The following SMYD3 variants were observed in gnomAD, a reference collection of about 807,000 sequenced individuals.
SMYD3 encodes the protein histone-lysine N-methyltransferase SMYD3.
In SMYD3, 36 loss-of-function variants were observed where a neutral mutation model predicts 57.7. The observed-to-expected ratio is 0.62, with a 90% CI of 0.48 to 0.82. The LOEUF is 0.82. Ranked by LOEUF, SMYD3 falls within the 40% of genes least tolerant of loss-of-function variation. SMYD3 has a pLI of 0.00. For synonymous variants in SMYD3, 211 were observed against 195.0 expected (o/e 1.08, Z -0.68); for missense variants, 515 against 538.8 (o/e 0.96, Z 0.44).
chr1:246,233,261 CTG>C (rs1488803615), intron 5 of SMYD3, among the ~76,000 whole-genome samples: 4 of 116,226 alleles, frequency 3.4e-5, no homozygotes, highest in Non-Finnish European at 6.9e-5. Flanking sequence ...TCAATCCACA[CTG>C]TGATGAATAT....
chr1:245,802,602 C>T (rs1026841322), intron 10 of SMYD3, among the ~76,000 whole-genome samples: 1 of 152,168 alleles, frequency 6.6e-6, no homozygotes, highest in African/African-American at 2.4e-5. Context: ...TGGCTTCAGG[C>T]TATAGCCTAG....
intron 10 of SMYD3, among the ~76,000 whole-genome samples, chr1:245,787,616 C>T (rs1028659873): frequency 1.4e-5 from 2 of 144,196 alleles, no homozygotes; most frequent in African/African-American, 5.2e-5. Context: ...AGTCTGATCC[C>T]ATCAGGGTGT....
intron 5 of SMYD3, among the ~76,000 whole-genome samples, chr1:246,211,870 A>G (rs563727210): frequency 6.6e-6 from 1 of 152,020 alleles, no homozygotes; most frequent in South Asian, 2.1e-4. Flanking sequence ...TTCTATGGGT[A>G]GCATAAAGAT....
At chr1:246,078,352 GGAGA>G (rs2060581230) in intron 5 of SMYD3, among the ~76,000 whole-genome samples, 1 of 152,104 alleles carries the variant, frequency 6.6e-6, no homozygotes, top group African/African-American at 2.4e-5. Context: ...TGAGAAAGTA[GGAGA>G]GAGATAATAG....
In SMYD3 at chr1:246,326,539, C is replaced by T. The variant is rs530615094; in HGVS notation, c.531+662G>A. On this transcript the variant is annotated intron_variant, in intron 5 of 11. Transcript: ENST00000490107. ...CTGTAATCCCAGCACTTTGGGAGGC[C>T]GAGGCGGGTGGATCACCTGAGGTCA... 36 of 491,146 alleles carry T rather than the reference C, an allele frequency of 7.3e-5. 1 individual carries two copies. The Admixed American group carries it at 1.1e-3, about 15-fold the overall frequency. The allele number at this position is 491,146 out of a possible 1,614,324, so 30.4% of individuals were successfully genotyped here.
At chr1:246,488,240 C>T (rs1364953353) in intron 1 of SMYD3, among the ~76,000 whole-genome samples, 5 of 152,214 alleles carry the variant, frequency 3.3e-5, no homozygotes, top group African/African-American at 1.2e-4. Context: ...CATCTGCCAG[C>T]TTGACTTGTA....
rs1463537917 is a variant in SMYD3 at position 246,247,403 on chromosome 1, GATTTTGC to G, written c.531+79791_531+79797del. ...ACACATTCAACAGACTACCAGGACAGATTTTGCCTCTAGCACTGTGGTTTAAGAAAGA... is the reference window on the plus strand; with the variant it reads ...ACACATTCAACAGACTACCAGGACAGCTCTAGCACTGTGGTTTAAGAAAGA... On this transcript the variant is annotated intron_variant, in intron 5 of 11. Coordinates refer to ENST00000490107, the MANE Select transcript of SMYD3 (RefSeq NM_001167740.2). Among the ~76,000 whole-genome samples the G allele has an allele frequency of 2.8e-5, 4 of 141,424 alleles. No individual in the cohort carries two copies. In the East Asian group the frequency reaches 1.2e-3, roughly 42 times the overall value. 92.8% of individuals were successfully genotyped at this position (141,424 alleles called of 152,430 possible). A position where few individuals can be genotyped will look rare whatever the true frequency, so the allele number is the denominator to read the frequency against.
intron 8 of SMYD3, among the ~76,000 whole-genome samples, chr1:245,904,400 T>G (rs1379571176): frequency 6.6e-6 from 1 of 152,166 alleles, no homozygotes; most frequent in African/African-American, 2.4e-5. Flanking sequence ...CAGTCTCAGG[T>G]AATATCTTCA....
intron 10 of SMYD3, among the ~76,000 whole-genome samples, chr1:245,817,518 T>C (rs2048921338): frequency 1.3e-5 from 2 of 152,144 alleles, no homozygotes; most frequent in South Asian, 4.1e-4. Context: ...ACGCAGTTCC[T>C]CACCAGCAAC....
At chr1:246,256,384 C>G (rs1363592081) in intron 5 of SMYD3, among the ~76,000 whole-genome samples, 1 of 152,146 alleles carries the variant, frequency 6.6e-6, no homozygotes, top group Non-Finnish European at 1.5e-5. Context: ...TCCTTCAATC[C>G]AATCAAGTTC....
intron 5 of SMYD3, among the ~76,000 whole-genome samples, chr1:246,016,065 C>T (rs2148209848): frequency 6.6e-6 from 1 of 152,112 alleles, no homozygotes; most frequent in Non-Finnish European, 1.5e-5. Context: ...TAGGCTGATC[C>T]CGTCAGTGGC....
At chr1:245,887,084 G>A (rs1172570359) in intron 8 of SMYD3, among the ~76,000 whole-genome samples, 3 of 152,162 alleles carry the variant, frequency 2.0e-5, no homozygotes, top group African/African-American at 7.2e-5. Context: ...CCTACTGGGT[G>A]GCATTCCCAG....
At chr1:245,934,359 C>T (rs905271896) in intron 5 of SMYD3, among the ~76,000 whole-genome samples, 13 of 151,022 alleles carry the variant, frequency 8.6e-5, no homozygotes, top group African/African-American at 3.0e-4. Context: ...ATTTCTCTAA[C>T]TTTAAAAGCA....
intron 5 of SMYD3, among the ~76,000 whole-genome samples, chr1:246,324,213 G>C (rs1000846910): frequency 2.0e-5 from 3 of 152,180 alleles, no homozygotes; most frequent in African/African-American, 7.2e-5. Context: ...TCAGGAGATT[G>C]AGACCAGCCT....
intron 7 of SMYD3, among the ~76,000 whole-genome samples, chr1:245,920,052 GC>G (rs2055752766): frequency 2.0e-5 from 3 of 151,954 alleles, no homozygotes; most frequent in Admixed American, 2.0e-4. Flanking sequence ...GGTGGCTCAC[GC>G]CTGTAATCCC....
chr1:246,499,398 A>ATC (rs1491213672), intron 1 of SMYD3, among the ~76,000 whole-genome samples: 2 of 25,764 alleles, frequency 7.8e-5, no homozygotes, highest in African/African-American at 1.4e-4. Context: ...AAACCATCAA[A>ATC]TATACACACA....
intron 1 of SMYD3, among the ~76,000 whole-genome samples, chr1:246,386,774 G>A (rs2066489532): frequency 6.6e-6 from 1 of 151,992 alleles, no homozygotes; most frequent in African/African-American, 2.4e-5. Context: ...AGAAAGGGTG[G>A]GAGAAATTGA....
At chr1:245,864,887 C>T (rs2051746418) in intron 8 of SMYD3, among the ~76,000 whole-genome samples, 1 of 152,090 alleles carries the variant, frequency 6.6e-6, no homozygotes, top group South Asian at 2.1e-4. Context: ...CCCATGTGAC[C>T]CAATTCTGAC....
intron 5 of SMYD3, among the ~76,000 whole-genome samples, chr1:246,252,992 C>G (rs1388481505): frequency 1.3e-5 from 2 of 152,150 alleles, no homozygotes; most frequent in African/African-American, 4.8e-5. Context: ...AATACTCAAC[C>G]AAACATGTAT....
Sources: allele counts gnomAD v4.1 joint callset (sites outside exome capture counted in the v4.1 genomes callset), GRCh38; gene constraint gnomAD v4.1.1; transcripts MANE v1.5; gene names NCBI Gene and HGNC (gene_info 2026-07-23, HGNC 2026-07-21).